The following TDRD7 variants were observed in gnomAD, a reference collection of about 807,000 sequenced individuals.
The protein encoded by TDRD7 is tudor domain-containing protein 7.
TDRD7 carries 47 observed loss-of-function variants against 109.8 expected under a neutral mutation model. That is an observed-to-expected ratio of 0.43 (90% CI 0.34 to 0.55). The LOEUF (loss-of-function observed/expected upper bound fraction) is 0.55, where lower values mean the gene tolerates loss of function less well. TDRD7 is among the 20% of genes least tolerant of loss of function. The pLI, the probability that TDRD7 is intolerant of heterozygous loss-of-function variation, is 0.03. For missense variants in TDRD7, 1,164 were observed against 1,319.2 expected (o/e 0.88, Z 1.82); for synonymous variants, 424 against 457.3 (o/e 0.93, Z 0.93).
In TDRD7 at chr9:97,464,850, G is replaced by A; in HGVS notation, c.1451G>A (p.Gly484Asp). The A allele has an allele frequency of 6.2e-7, 1 of 1,614,092 alleles. No individual in the cohort carries two copies. The highest frequency in any genetic ancestry group is 1.3e-5 in the African/African-American group (1 of 75,028). ...NTNEVVIRYV[G>D]KDYSAAQELM... ...TCTTTTAACTGATTCAGGTATGTGGGCAAAGACTATTCTGCTGCTCAGGAA... is the reference window on the plus strand; with the variant it reads ...TCTTTTAACTGATTCAGGTATGTGGACAAAGACTATTCTGCTGCTCAGGAA... Residue 484 changes from glycine to aspartate, a missense_variant, in exon 8 of 17, where the codon GGC becomes GAC. Around this residue, in one of 5 missense-constraint regions of TDRD7, gnomAD observed 261 missense variants for 336.2 expected, o/e 0.78. Coordinates refer to ENST00000355295, the MANE Select transcript of TDRD7 (RefSeq NM_014290.3).
chr9:97,469,837 T>A (rs187021071), intron 8 of TDRD7, among the ~76,000 whole-genome samples: 71 of 152,368 alleles, frequency 4.7e-4, no homozygotes, highest in Non-Finnish European at 8.8e-4. Flanking sequence ...CTTAACAGTC[T>A]GTGCTAATGG....
chr9:97,424,714 T>G (rs1029407683), intron 1 of TDRD7, among the ~76,000 whole-genome samples: 1 of 152,138 alleles, frequency 6.6e-6, no homozygotes. Context: ...TATAAGTAAG[T>G]CTTGCTTTTT....
intron 16 of TDRD7, among the ~76,000 whole-genome samples, chr9:97,489,799 C>T (rs1829270154): frequency 1.3e-5 from 2 of 152,080 alleles, no homozygotes; most frequent in African/African-American, 4.8e-5. Flanking sequence ...TCTCTCCTTT[C>T]TTAGGATATC....
At chr9:97,495,262 C>CT (rs952879678) in intron 16 of TDRD7, among the ~76,000 whole-genome samples, 19 of 150,728 alleles carry the variant, frequency 1.3e-4, no homozygotes, top group Admixed American at 2.0e-4. Flanking sequence ...TACAATAATT[C>CT]TTTTTTTTTA....
intron 9 of TDRD7, among the ~76,000 whole-genome samples, chr9:97,472,038 CTGAT>C (rs1828924946): frequency 1.3e-5 from 2 of 152,178 alleles, no homozygotes; most frequent in South Asian, 4.1e-4. Flanking sequence ...GGTAGAAATT[CTGAT>C]TGATTATCCG....
intron 15 of TDRD7, 78 bp downstream of exon 15, chr9:97,483,429 G>A: frequency 6.5e-7 from 1 of 1,542,888 alleles, no homozygotes; most frequent in Non-Finnish European, 8.8e-7. Flanking sequence ...AATCTTGGCG[G>A]GGGGACTTCG....
chr9:97,448,394 A>G (rs1252270146), intron 6 of TDRD7, among the ~76,000 whole-genome samples: 1 of 152,134 alleles, frequency 6.6e-6, no homozygotes, highest in Non-Finnish European at 1.5e-5. Flanking sequence ...GCCATTGGGG[A>G]CCATTTCCCT....
In TDRD7 at chr9:97,475,414, C is replaced by T; in HGVS notation, c.2111C>T (p.Pro704Leu). ...HMTSECFVSL[P>L]FCGKICLFHC... ...ACCTCTGAGTGCTTTGTTTCATTAC[C>T]CTTCTGTGGGAAAATCTGCCTCTTC... The change falls in exon 12 of 17, where the codon CCC becomes CTC. Residue 704 changes from proline to leucine, a missense_variant. Around this residue, in one of 5 missense-constraint regions of TDRD7, gnomAD observed 261 missense variants for 336.2 expected, o/e 0.78. Coordinates refer to ENST00000355295, the MANE Select transcript of TDRD7 (RefSeq NM_014290.3). 1.9e-6 allele frequency: 3 copies of T among 1,613,710 alleles called. No homozygotes were observed. Among genetic ancestry groups the T allele is most frequent in the Non-Finnish European group, 2.5e-6 (3 of 1,179,760 alleles).
intron 15 of TDRD7, among the ~76,000 whole-genome samples, chr9:97,485,713 T>C (rs1229484672): frequency 6.6e-6 from 1 of 152,236 alleles, no homozygotes; most frequent in East Asian, 1.9e-4. Context: ...ATTAGCCAAG[T>C]AATGTCCCAG....
In TDRD7 at chr9:97,460,174, T is replaced by C. The variant is rs760400615; in HGVS notation, c.856-4T>C. The C allele has an allele frequency of 1.2e-6, 2 of 1,613,940 alleles. No individual in the cohort carries two copies. Among genetic ancestry groups the C allele is most frequent in the Non-Finnish European group, 1.7e-6 (2 of 1,179,788 alleles). On this transcript the variant is annotated splice_region_variant and splice_polypyrimidine_tract_variant and intron_variant, in intron 6 of 16. Coordinates refer to ENST00000355295, the MANE Select transcript of TDRD7 (RefSeq NM_014290.3). ...CTGTCATTTGCTTTATTTAAAAATT[T>C]CAGGTGGAGAAACCTTGCAGTGGTG...
Position 97,473,639 on chromosome 9 carries a change from CTCT to C in TDRD7, c.2079+17_2079+19del. 1 of 1,613,438 alleles carries C rather than the reference CTCT, an allele frequency of 6.2e-7. No homozygotes were observed. Among genetic ancestry groups the C allele is most frequent in the Non-Finnish European group, 8.5e-7 (1 of 1,179,604 alleles). On this transcript the variant is annotated intron_variant, in intron 11 of 16. Transcript: ENST00000355295. Reference sequence around the variant, plus strand: ...CTTCCATTGCAAGGTATAGCAGAACCTCTTCTACCTCTAAAATTAGCCCTAAAA... The same window carrying C: ...CTTCCATTGCAAGGTATAGCAGAACCTCTACCTCTAAAATTAGCCCTAAAA...
rs1306056012 is a variant in TDRD7, at chr9:97,428,547, C to G, written c.82C>G (p.Gln28Glu). 1 of 1,613,904 alleles carries G rather than the reference C, an allele frequency of 6.2e-7. No homozygotes were observed. The highest frequency in any genetic ancestry group is 8.5e-7 in the Non-Finnish European group (1 of 1,179,968). ...GAATGGAGTAGCATTACCCCGGCTC[C>G]AAGGAGAGTACAGATCCTTGACTGG... ...HKNGVALPRL[Q>E]GEYRSLTGDW... Residue 28 changes from glutamine to glutamate, a missense_variant, in exon 2 of 17, where the codon CAA becomes GAA. By Grantham distance (29) the Gln-to-Glu change is conservative (BLOSUM62 2). This residue lies in a region of TDRD7 where 101 missense variants were observed against 148.5 expected (regional missense o/e 0.68). Transcript: ENST00000355295.
chr9:97,423,615 A>G (rs1341556020), intron 1 of TDRD7, among the ~76,000 whole-genome samples: 1 of 152,114 alleles, frequency 6.6e-6, no homozygotes, highest in Non-Finnish European at 1.5e-5. Flanking sequence ...AGAATAGATC[A>G]TTGATTTGCC....
intron 15 of TDRD7, among the ~76,000 whole-genome samples, chr9:97,485,652 G>A (rs1442899211): frequency 6.6e-6 from 1 of 152,140 alleles, no homozygotes; most frequent in Non-Finnish European, 1.5e-5. Flanking sequence ...ATAGTAGCTT[G>A]TCTTCATTTT....
chr9:97,423,415 G>A (rs1469781464), intron 1 of TDRD7, among the ~76,000 whole-genome samples: 1 of 142,128 alleles, frequency 7.0e-6, no homozygotes, highest in East Asian at 2.1e-4. Flanking sequence ...TTTTTTCTAT[G>A]TTTCTAGGAG....
intron 6 of TDRD7, among the ~76,000 whole-genome samples, chr9:97,447,526 A>G (rs1274298672): frequency 6.6e-6 from 1 of 152,238 alleles, no homozygotes; most frequent in African/African-American, 2.4e-5. Context: ...AAGCTCTACA[A>G]GGAAACTGAA....
chr9:97,470,079 G>A (rs1828885307), intron 8 of TDRD7, among the ~76,000 whole-genome samples: 1 of 152,196 alleles, frequency 6.6e-6, no homozygotes, highest in Admixed American at 6.5e-5. Context: ...CACAAATGCT[G>A]CTTTGGGGAT....
At chr9:97,435,626 A>C (rs1828182102) in intron 4 of TDRD7, among the ~76,000 whole-genome samples, 1 of 99,580 alleles carries the variant, frequency 1.0e-5, no homozygotes, top group African/African-American at 4.3e-5. Context: ...ACAGGGTAAG[A>C]CCCTCTTAAA....
At chr9:97,493,359 T>C (rs1010162578) in intron 16 of TDRD7, among the ~76,000 whole-genome samples, 3 of 152,134 alleles carry the variant, frequency 2.0e-5, no homozygotes, top group Non-Finnish European at 4.4e-5. Context: ...TGTCCGCAAG[T>C]TCCGTGATGC....
Sources: allele counts gnomAD v4.1 joint callset (sites outside exome capture counted in the v4.1 genomes callset), GRCh38; gene constraint gnomAD v4.1.1; regional missense constraint gnomAD v4.1.1; transcripts MANE v1.5; gene names NCBI Gene and HGNC (gene_info 2026-07-23, HGNC 2026-07-21).